TIMM17A: variants seen among roughly 807,000 people sequenced by gnomAD.
The protein encoded by TIMM17A is translocase of inner mitochondrial membrane 17A.
A neutral mutation model predicts 26.5 loss-of-function variants in TIMM17A; 15 were observed. The ratio of observed to expected loss-of-function variants is 0.57; its 90% confidence interval spans 0.38 to 0.87. The LOEUF (loss-of-function observed/expected upper bound fraction) is 0.87, where lower values mean the gene tolerates loss of function less well. TIMM17A is among the 40% of genes least tolerant of loss of function. The pLI is 0.00. For missense variants in TIMM17A, 201 were observed against 210.0 expected (o/e 0.96, Z 0.27); for synonymous variants, 80 against 70.8 (o/e 1.13, Z -0.66).
chr1:201,964,516 T>C (rs1571606245), intron 4 of TIMM17A, among the ~76,000 whole-genome samples: 1 of 152,222 alleles, frequency 6.6e-6, no homozygotes, highest in South Asian at 2.1e-4. Context: ...TGTGTGGTCT[T>C]TGTCATAGCT....
At chr1:201,964,657 T>A (rs1344819796) in intron 4 of TIMM17A, among the ~76,000 whole-genome samples, 34 of 133,866 alleles carry the variant, frequency 2.5e-4, no homozygotes, top group South Asian at 4.8e-4. Flanking sequence ...TTTTTTTTTT[T>A]TTTTTTTTTG....
rs4648 is a variant in TIMM17A, at chr1:201,965,450, G to A, written c.337G>A (p.Val113Ile). The change falls in exon 5 of 6, where the codon GTT (valine) becomes ATT (isoleucine). Residue 113 changes from valine (V) to isoleucine (I), a missense_variant. Val to Ile is a conservative substitution (Grantham distance 29). Coordinates refer to ENST00000367287, the MANE Select transcript of TIMM17A (RefSeq NM_006335.3). ...LAARNGPVAM[V>I]GSAAMGGILL... ...GTCTTCAGATGGACCAGTGGCCATG[G>A]TTGGGTCAGCCGCAATGGGTGGCAT... is the stretch of plus-strand genomic sequence containing the variant. 137,813 of 1,611,608 alleles carry A rather than the reference G, an allele frequency of 0.086. 6,429 individuals carry two copies. The highest frequency in any genetic ancestry group is 0.16 in the Middle Eastern group (990 of 6,056).
At chr1:201,961,453 A>C (rs974532161) in intron 3 of TIMM17A, among the ~76,000 whole-genome samples, 3 of 152,218 alleles carry the variant, frequency 2.0e-5, no homozygotes, top group Non-Finnish European at 2.9e-5. Context: ...TTTTGGAAGA[A>C]GACGTTTCAG....
At chr1:201,967,548 T>G (rs889490680) in intron 5 of TIMM17A, among the ~76,000 whole-genome samples, 2 of 151,324 alleles carry the variant, frequency 1.3e-5, no homozygotes, top group Admixed American at 6.6e-5. Flanking sequence ...ATTTATTTAT[T>G]TATTTTAATT....
At chr1:201,961,060 T>A (rs973935540) in intron 3 of TIMM17A, among the ~76,000 whole-genome samples, 1 of 144,220 alleles carries the variant, frequency 6.9e-6, no homozygotes, top group East Asian at 2.1e-4. Context: ...TTAGGTCTTA[T>A]ATTTTCTTTT....
intron 3 of TIMM17A, chr1:201,962,365 G>A (rs1196799159): frequency 2.6e-5 from 4 of 151,874 alleles, no homozygotes; most frequent in African/African-American, 9.7e-5. Context: ...TTTATTTTTT[G>A]AGACGGAGTC....
At chr1:201,962,039 TCTC>T (rs1201940802) in intron 3 of TIMM17A, among the ~76,000 whole-genome samples, 1 of 152,032 alleles carries the variant, frequency 6.6e-6, no homozygotes, top group Non-Finnish European at 1.5e-5. Context: ...CCTTTATGGA[TCTC>T]CTCCTCATCC....
At chr1:201,966,986 A>G (rs1212550939) in intron 5 of TIMM17A, among the ~76,000 whole-genome samples, 35 of 54,248 alleles carry the variant, frequency 6.5e-4, no homozygotes, top group Admixed American at 1.0e-3. Flanking sequence ...TGTATATTAT[A>G]TATGTTGTGT....
intron 3 of TIMM17A, among the ~76,000 whole-genome samples, chr1:201,960,315 G>A (rs1386140780): frequency 2.0e-5 from 3 of 152,006 alleles, no homozygotes; most frequent in Non-Finnish European, 2.9e-5. Flanking sequence ...GAGAAGAATC[G>A]CTTGAGCCCG....
intron 3 of TIMM17A, among the ~76,000 whole-genome samples, chr1:201,959,886 G>A (rs969259904): frequency 2.0e-5 from 3 of 151,038 alleles, no homozygotes; most frequent in Admixed American, 6.6e-5. Context: ...CTGTAGTCCC[G>A]GCTCCTTGGG....
intron 3 of TIMM17A, among the ~76,000 whole-genome samples, chr1:201,959,843 C>A (rs558447081): frequency 8.0e-5 from 12 of 149,976 alleles, no homozygotes; most frequent in South Asian, 2.1e-4. Flanking sequence ...AAAACAACAA[C>A]AAAAAAAATT....
At chr1:201,965,585 A>G (rs751154599) in intron 5 of TIMM17A, 42 bp downstream of exon 5, 3 of 1,261,450 alleles carry the variant, frequency 2.4e-6, no homozygotes, top group Admixed American at 3.4e-5. Context: ...ACATTTTGGA[A>G]TGGTTTTCTG....
chr1:201,967,639 C>A (rs1682659193), intron 5 of TIMM17A, among the ~76,000 whole-genome samples: 1 of 151,426 alleles, frequency 6.6e-6, no homozygotes, highest in Admixed American at 6.6e-5. Flanking sequence ...ACCTCCTGGG[C>A]TCAGGCGATC....
chr1:201,967,530 T>TTTTATTTATTTATTTTATTTA (rs1329945219), intron 5 of TIMM17A, among the ~76,000 whole-genome samples: 99 of 150,776 alleles, frequency 6.6e-4, no homozygotes, highest in African/African-American at 2.3e-3. Context: ...TATTTATTTA[T>TTTTATTTATTTATTTTATTTA]TTTATTTATT....
At chr1:201,956,267 T>G (rs1330746591) in intron 1 of TIMM17A, among the ~76,000 whole-genome samples, 1 of 152,218 alleles carries the variant, frequency 6.6e-6, no homozygotes, top group Non-Finnish European at 1.5e-5. Flanking sequence ...TATAAAACGA[T>G]GTAATTGCTG....
In TIMM17A at chr1:201,966,991, T is replaced by TTATGTGTGTGTGTGTGTGTGTGTGTG. The variant is rs572223784; in HGVS notation, c.430+1449_430+1450insATGTGTGTGTGTGTGTGTGTGTGTGT. Among the ~76,000 whole-genome samples the TTATGTGTGTGTGTGTGTGTGTGTGTG allele has an allele frequency of 2.3e-3, 300 of 133,046 alleles. 2 individuals carry two copies. Among genetic ancestry groups the TTATGTGTGTGTGTGTGTGTGTGTGTG allele is most frequent in the Non-Finnish European group, 2.8e-3 (176 of 63,288 alleles). The allele number at this position is 133,046 out of a possible 152,430, so 87.3% of individuals were successfully genotyped here. On this transcript the variant is annotated intron_variant, in intron 5 of 5. Transcript: ENST00000367287. ...TTATATATGTTGTATATTATATATGTTGTGTGTGTGTGTGTGTGTGTGTGT... is the reference window on the plus strand; with the variant it reads ...TTATATATGTTGTATATTATATATGTTATGTGTGTGTGTGTGTGTGTGTGTGTGTGTGTGTGTGTGTGTGTGTGTGT...
chr1:201,969,501 C>G lies in TIMM17A; in HGVS notation c.463C>G (p.Pro155Ala). 4 of 1,613,934 alleles carry G rather than the reference C, an allele frequency of 2.5e-6. No homozygotes were observed. Among genetic ancestry groups the G allele is most frequent in the Non-Finnish European group, 3.4e-6 (4 of 1,179,906 alleles). The change falls in exon 6 of 6, where the codon CCT (proline) becomes GCT (alanine). Residue 155 changes from proline (P) to alanine (A), a missense_variant. Transcript: ENST00000367287. ...PQFAEDPSQL[P>A]STQLPSSPFG... ...GTTTGCAGAAGACCCCTCCCAGTTG[C>G]CTTCAACTCAGTTACCTTCCTCACC...
chr1:201,961,289 A>G (rs1392272154), intron 3 of TIMM17A, among the ~76,000 whole-genome samples: 2 of 151,608 alleles, frequency 1.3e-5, no homozygotes, highest in African/African-American at 4.8e-5. Flanking sequence ...CTGGTCTCGA[A>G]CTCTTGAGCT....
intron 5 of TIMM17A, among the ~76,000 whole-genome samples, chr1:201,966,925 TTA>T (rs1682638411): frequency 6.8e-6 from 1 of 147,842 alleles, no homozygotes; most frequent in African/African-American, 2.5e-5. Flanking sequence ...AATATGTATG[TTA>T]TATGTTGTAT....
Sources: gnomAD v4.1 joint callset for allele counts (sites outside exome capture counted in the v4.1 genomes callset) on GRCh38, gnomAD v4.1.1 for gene constraint, MANE v1.5 for transcripts, NCBI Gene and HGNC (gene_info 2026-07-23, HGNC 2026-07-21) for gene names.